The following HIVEP2 variants were observed in gnomAD, a reference collection of about 807,000 sequenced individuals.
The protein encoded by HIVEP2 is HIVEP zinc finger 2, also known as transcription factor HIVEP2.
Under a neutral mutation model 180.7 loss-of-function variants are expected in HIVEP2, and 14 were observed. The observed-to-expected ratio is 0.08, with a 90% confidence interval of 0.05 to 0.12. HIVEP2 has a LOEUF of 0.12. Among genes scored for constraint, HIVEP2 ranks in the 10% least tolerant of loss-of-function variants. The pLI is 1.00. For missense variants in HIVEP2, 2,579 were observed against 3,008.5 expected (o/e 0.86, Z 3.34); for synonymous variants, 1,184 against 1,136.4 (o/e 1.04, Z -0.84).
chr6:142,821,548 G>A (rs1357256585), intron 2 of HIVEP2, among the ~76,000 whole-genome samples: 1 of 152,112 alleles, frequency 6.6e-6, no homozygotes, highest in Non-Finnish European at 1.5e-5. Flanking sequence ...AAATAATATT[G>A]TTAACAGAAT....
intron 2 of HIVEP2, among the ~76,000 whole-genome samples, chr6:142,787,833 ATAG>A (rs1255861621): frequency 1.3e-5 from 2 of 152,230 alleles, no homozygotes; most frequent in Non-Finnish European, 2.9e-5. Flanking sequence ...AAAGAGAAAC[ATAG>A]TAGTTTTGGA....
intron 5 of HIVEP2, 44 bp downstream of exon 5, chr6:142,769,508 T>C: frequency 6.5e-7 from 1 of 1,532,242 alleles, no homozygotes; most frequent in Non-Finnish European, 9.0e-7. Flanking sequence ...TGCTCAGCAA[T>C]CAAATCCACA....
At chr6:142,793,532 T>C (rs1026681201) in intron 2 of HIVEP2, among the ~76,000 whole-genome samples, 1 of 152,138 alleles carries the variant, frequency 6.6e-6, no homozygotes, top group Non-Finnish European at 1.5e-5. Context: ...TCAATTCTAG[T>C]ATATTTAGCA....
At chr6:142,759,666 A>C (rs771198989) in intron 9 of HIVEP2, 106 bp downstream of exon 9, 17 of 871,530 alleles carry the variant, frequency 2.0e-5, no homozygotes, top group Non-Finnish European at 3.1e-5. Context: ...GATTCACTCC[A>C]CCCATGACAG....
At position 142,785,344 on chromosome 6, in the gene HIVEP2, A is replaced by G. The variant is rs866758926; in HGVS notation, c.-527-1729T>C. ...AAAAAAAAAAAAAAAAAAAAAAAAA[A>G]AAGAAGAAGAAGAAATCACTGAGTT... On this transcript the variant is annotated intron_variant, in intron 2 of 9. Coordinates refer to ENST00000367603, the MANE Select transcript of HIVEP2 (RefSeq NM_006734.4). 5.3e-3 allele frequency among the ~76,000 whole-genome samples: 560 copies of G among 105,842 alleles called. 4 individuals carry two copies. The highest frequency in any genetic ancestry group is 0.019 in the Admixed American group (162 of 8,742). 69.4% of individuals were successfully genotyped at this position (105,842 alleles called of 152,430 possible).
intron 1 of HIVEP2, among the ~76,000 whole-genome samples, chr6:142,900,415 A>T (rs1014959046): frequency 1.3e-5 from 2 of 152,182 alleles, no homozygotes; most frequent in Non-Finnish European, 2.9e-5. Flanking sequence ...CCTGGGCCAC[A>T]CGGTATTTAA....
chr6:142,814,102 G>C (rs1776771560), intron 2 of HIVEP2, among the ~76,000 whole-genome samples: 1 of 151,888 alleles, frequency 6.6e-6, no homozygotes, highest in African/African-American at 2.4e-5. Context: ...GCTGGTGAGA[G>C]GGATATGGGA....
intron 1 of HIVEP2, among the ~76,000 whole-genome samples, chr6:142,867,505 G>C (rs1284454544): frequency 5.9e-5 from 9 of 152,144 alleles, no homozygotes. Context: ...TTGGTACACA[G>C]AATCTGAACA....
chr6:142,934,451 G>C (rs1031294051), intron 1 of HIVEP2, among the ~76,000 whole-genome samples: 2 of 152,050 alleles, frequency 1.3e-5, no homozygotes, highest in African/African-American at 4.8e-5. Flanking sequence ...GCTCTAATGA[G>C]CACAGCCTCA....
At chr6:142,908,854 C>CAAAAA (rs11443809) in intron 1 of HIVEP2, among the ~76,000 whole-genome samples, 10 of 87,836 alleles carry the variant, frequency 1.1e-4, no homozygotes, top group Admixed American at 2.5e-4. Context: ...TACCACCTCT[C>CAAAAA]AAAAAAAAAA....
intron 9 of HIVEP2, among the ~76,000 whole-genome samples, chr6:142,758,477 C>T (rs536054814): frequency 2.0e-5 from 3 of 152,266 alleles, no homozygotes; most frequent in Non-Finnish European, 4.4e-5. Context: ...TCTCCTCTGG[C>T]TGTGAAGGAT....
intron 1 of HIVEP2, among the ~76,000 whole-genome samples, chr6:142,897,116 A>G (rs1247365208): frequency 2.0e-5 from 3 of 152,216 alleles, no homozygotes; most frequent in Non-Finnish European, 4.4e-5. Flanking sequence ...AAAAGAGAAT[A>G]TACAACAGCC....
In HIVEP2 at chr6:142,944,361, ACCC is replaced by A. The variant is rs55804696; in HGVS notation, c.-641+735_-641+737del. 7.7e-5 allele frequency among the ~76,000 whole-genome samples: 8 copies of A among 104,316 alleles called. No homozygotes were observed. The East Asian group carries it at 8.0e-4, about 10-fold the overall frequency. 68.4% of individuals were successfully genotyped at this position (104,316 alleles called of 152,430 possible). On this transcript the variant is annotated intron_variant, in intron 1 of 9. Transcript: ENST00000367603. ...GGGTAGCAGAGCGGATCTGGAGTCC[ACCC>A]CCCCCCCCCACCAAATACGACAGAC...
intron 2 of HIVEP2, among the ~76,000 whole-genome samples, chr6:142,793,652 CTTTCTTTTTTCTTTCTTTCTT>C (rs1280822337): frequency 4.8e-5 from 3 of 62,912 alleles, no homozygotes; most frequent in African/African-American, 1.1e-4. Flanking sequence ...TTCTTTCTTT[CTTTCTTTTTTCTTTCTTTCTT>C]TCTCTCTCTC....
At chr6:142,840,761 T>C (rs958272994) in intron 1 of HIVEP2, among the ~76,000 whole-genome samples, 10 of 152,196 alleles carry the variant, frequency 6.6e-5, no homozygotes, top group Non-Finnish European at 1.3e-4. Context: ...TTCTCAAAAA[T>C]AGGATTATCA....
chr6:142,837,392 T>A (rs911452868), intron 1 of HIVEP2, among the ~76,000 whole-genome samples: 2 of 152,126 alleles, frequency 1.3e-5, no homozygotes, highest in East Asian at 3.8e-4. Context: ...TGCTTTGGAA[T>A]TATACTCATT....
At chr6:142,843,702 C>T (rs1035981412) in intron 1 of HIVEP2, among the ~76,000 whole-genome samples, 3 of 152,072 alleles carry the variant, frequency 2.0e-5, no homozygotes, top group Non-Finnish European at 4.4e-5. Flanking sequence ...TAAAATTTGT[C>T]GGTTTGGAAA....
chr6:142,851,224 T>C (rs1775663363), intron 1 of HIVEP2, among the ~76,000 whole-genome samples: 1 of 152,246 alleles, frequency 6.6e-6, no homozygotes, highest in Non-Finnish European at 1.5e-5. Context: ...ATTTGGCTCA[T>C]AGCCAAGAGT....
At chr6:142,878,474 C>T (rs1776500171) in intron 1 of HIVEP2, among the ~76,000 whole-genome samples, 1 of 152,264 alleles carries the variant, frequency 6.6e-6, no homozygotes, top group East Asian at 1.9e-4. Flanking sequence ...GAATTCAAAG[C>T]CTATTTCTCG....
Sources: allele counts gnomAD v4.1 joint callset (sites outside exome capture counted in the v4.1 genomes callset), GRCh38; gene constraint gnomAD v4.1.1; transcripts MANE v1.5; gene names NCBI Gene and HGNC (gene_info 2026-07-23, HGNC 2026-07-21).